ZC3H14: variants seen among roughly 807,000 people sequenced by gnomAD.
ZC3H14 encodes zinc finger CCCH-type containing 14, also known as zinc finger CCCH domain-containing protein 14.
In ZC3H14, 31 loss-of-function variants were observed where a neutral mutation model predicts 92.4. That is an observed-to-expected ratio of 0.34 (90% CI 0.25 to 0.45). ZC3H14 has a LOEUF of 0.45. Ranked by LOEUF, ZC3H14 falls within the 20% of genes least tolerant of loss-of-function variation. The probability of loss-of-function intolerance (pLI) is 1.00; values close to 1 mark genes in which losing one functional copy is unlikely to be tolerated. For missense variants in ZC3H14, 781 were observed against 897.3 expected (o/e 0.87, Z 1.66); for synonymous variants, 321 against 300.9 (o/e 1.07, Z -0.69).
Position 88,578,003 on chromosome 14 carries a change from T to A in ZC3H14, c.1142T>A (p.Leu381His). The change falls in exon 9 of 17, where the codon CTT (leucine) becomes CAT (histidine). Residue 381 changes from leucine to histidine, a missense_variant. This residue lies in a region of ZC3H14 where 454 missense variants were observed against 438.5 expected (regional missense o/e 1.04). Coordinates refer to ENST00000251038, the MANE Select transcript of ZC3H14 (RefSeq NM_024824.5). ...GTGAAAGTTCCACAGAAACAGACAC[T>A]TCCAGTTGCTCCCAGAACTCGAACT... ...NYSTVPQKQTLPVAPRTRTSQ... is the reference protein window; with the variant it reads ...NYSTVPQKQTHPVAPRTRTSQ... 1.2e-6 allele frequency: 2 copies of A among 1,614,170 alleles called. No homozygotes were observed. Among genetic ancestry groups the A allele is most frequent in the Non-Finnish European group, 1.7e-6 (2 of 1,180,032 alleles).
chr14:88,602,692 T>A (rs9323831), intron 11 of ZC3H14, 136 bp from the exon 12 acceptor site: 845,261 of 869,946 alleles, frequency 0.97, 411,880 homozygotes, highest in Non-Finnish European at 1. Context: ...CTGCACCTGG[T>A]AGCCCTACCT....
chr14:88,567,062 A>G (rs2079745128), intron 2 of ZC3H14, among the ~76,000 whole-genome samples: 1 of 151,352 alleles, frequency 6.6e-6, no homozygotes, highest in Admixed American at 6.6e-5. Flanking sequence ...CACTCTCATA[A>G]TCACTGTAGG....
intron 12 of ZC3H14, among the ~76,000 whole-genome samples, chr14:88,604,892 C>CA (rs1333838178): frequency 2.0e-5 from 3 of 152,080 alleles, no homozygotes; most frequent in Non-Finnish European, 1.5e-5. Context: ...CCGTGCCTGG[C>CA]CTATAGCTTT....
Position 88,621,810 on chromosome 14 carries a change from T to C in ZC3H14, c.*10059T>C. The C allele has an allele frequency of 2.3e-6, 1 of 436,620 alleles. No individual in the cohort carries two copies. The highest frequency in any genetic ancestry group is 4.6e-6 in the Non-Finnish European group (1 of 219,596). The allele number at this position is 436,620 out of a possible 1,614,324, so 27.0% of individuals were successfully genotyped here. A position where few individuals can be genotyped will look rare whatever the true frequency, so the allele number is the denominator to read the frequency against. ...TTTGAAATTGACACATAATTATACATATCTATAGGGCATAGGGTAATACGC... is the reference window on the plus strand; with the variant it reads ...TTTGAAATTGACACATAATTATACACATCTATAGGGCATAGGGTAATACGC... On this transcript the variant is annotated 3_prime_UTR_variant, in exon 17 of 17. Transcript: ENST00000251038.
In ZC3H14 at chr14:88,626,926, G is replaced by T; in HGVS notation, c.*15175G>T. 6.2e-7 allele frequency: 1 copy of T among 1,613,894 alleles called. No individual in the cohort carries two copies. Among genetic ancestry groups the T allele is most frequent in the Non-Finnish European group, 8.5e-7 (1 of 1,179,860 alleles). ...TTTTTTGCTAAGAAGAGCTCTTCCT[G>T]CCAGGGTCCAGAACTTCACATGTTT... is the stretch of plus-strand genomic sequence containing the variant. On this transcript the variant is annotated 3_prime_UTR_variant, in exon 17 of 17. Coordinates refer to ENST00000251038, the MANE Select transcript of ZC3H14 (RefSeq NM_024824.5).
intron 7 of ZC3H14, 47 bp downstream of exon 7, chr14:88,574,900 G>T (rs2080959426): frequency 1.9e-6 from 3 of 1,612,920 alleles, no homozygotes; most frequent in South Asian, 1.1e-5. Context: ...CCTTGGTGGA[G>T]TCTTCCTGAT....
At chr14:88,597,359 C>T (rs1178273708) in intron 10 of ZC3H14, among the ~76,000 whole-genome samples, 3 of 152,184 alleles carry the variant, frequency 2.0e-5, no homozygotes, top group Non-Finnish European at 4.4e-5. Context: ...CCTCAGTGCC[C>T]AGCCCCTGCC....
At chr14:88,611,724 T>G (rs373683348) in intron 16 of ZC3H14, 21 bp from the exon 17 acceptor site, 6 of 1,613,928 alleles carry the variant, frequency 3.7e-6, no homozygotes, top group Non-Finnish European at 5.1e-6. Flanking sequence ...ATTAAAACAA[T>G]TTTTGGTTCT....
chr14:88,564,986 A>G (rs1259025477), intron 2 of ZC3H14, among the ~76,000 whole-genome samples: 1 of 152,190 alleles, frequency 6.6e-6, no homozygotes, highest in Non-Finnish European at 1.5e-5. Flanking sequence ...AAAGTGAGCA[A>G]AGAAAAGAAT....
At chr14:88,610,229 T>C (rs1035456231) in intron 15 of ZC3H14, among the ~76,000 whole-genome samples, 2 of 152,158 alleles carry the variant, frequency 1.3e-5, no homozygotes, top group Non-Finnish European at 2.9e-5. Context: ...ATTATCTCCT[T>C]CTTGCCCCGG....
At chr14:88,592,111 A>G (rs1811698598) in intron 9 of ZC3H14, 1 of 152,238 alleles carries the variant, frequency 6.6e-6, no homozygotes, top group African/African-American at 2.4e-5. Context: ...ATAGTGGGCC[A>G]TATGGGTGCC....
In ZC3H14 at chr14:88,622,398, A is replaced by G. The variant is rs2140328275; in HGVS notation, c.*10647A>G. 1 of 423,330 alleles carries G rather than the reference A, an allele frequency of 2.4e-6. No homozygotes were observed. The highest frequency in any genetic ancestry group is 7.7e-5 in the South Asian group (1 of 13,034). 26.2% of individuals were successfully genotyped at this position (423,330 alleles called of 1,614,324 possible). On this transcript the variant is annotated 3_prime_UTR_variant, in exon 17 of 17. Coordinates refer to ENST00000251038, the MANE Select transcript of ZC3H14 (RefSeq NM_024824.5). ...AAAATATTGGAGGTTTACATACAGTATTTAGACAGAATAGCTTCCTAGCTT... is the reference window on the plus strand; with the variant it reads ...AAAATATTGGAGGTTTACATACAGTGTTTAGACAGAATAGCTTCCTAGCTT...
At chr14:88,610,975 C>T in intron 16 of ZC3H14, 35 bp downstream of exon 16, 1 of 1,562,544 alleles carries the variant, frequency 6.4e-7, no homozygotes, top group Non-Finnish European at 8.8e-7. Context: ...CATGTCAGTT[C>T]AAATTCTTTT....
intron 9 of ZC3H14, among the ~76,000 whole-genome samples, chr14:88,580,816 G>T (rs547570487): frequency 6.6e-6 from 1 of 152,168 alleles, no homozygotes; most frequent in East Asian, 1.9e-4. Context: ...AAAATGATTT[G>T]GACATTCAGG....
At position 88,615,047 on chromosome 14, in the gene ZC3H14, T is replaced by C. The variant is rs999427680; in HGVS notation, c.*3296T>C. ...CCTAAAACCCTTACATTGTACACCA[T>C]TGGGAATGATTGTTCATCATACTAC... On this transcript the variant is annotated 3_prime_UTR_variant, in exon 17 of 17. Transcript: ENST00000251038. 9.9e-5 allele frequency: 15 copies of C among 152,216 alleles called. No individual in the cohort carries two copies. Among genetic ancestry groups the C allele is most frequent in the Admixed American group, 3.3e-4 (5 of 15,286 alleles). 9.4% of individuals were successfully genotyped at this position (152,216 alleles called of 1,614,324 possible). A position where few individuals can be genotyped will look rare whatever the true frequency, so the allele number is the denominator to read the frequency against.
rs1595186509 is a variant in ZC3H14, at chr14:88,618,113, A to G, written c.*6362A>G. The stretch of plus-strand genomic sequence containing the variant: ...CATACCATTTCAAAATATGGTAACA[A>G]AAACTTGAAACTCAATTACTATTCC... On this transcript the variant is annotated 3_prime_UTR_variant, in exon 17 of 17. Transcript: ENST00000251038. 1 of 758,874 alleles carries G rather than the reference A, an allele frequency of 1.3e-6. No individual in the cohort carries two copies. The highest frequency in any genetic ancestry group is 2.7e-5 in the East Asian group (1 of 36,780). 47.0% of individuals were successfully genotyped at this position (758,874 alleles called of 1,614,324 possible). A position where few individuals can be genotyped will look rare whatever the true frequency, so the allele number is the denominator to read the frequency against.
intron 7 of ZC3H14, 141 bp downstream of exon 7, chr14:88,574,994 T>C: frequency 7.6e-7 from 1 of 1,310,858 alleles, no homozygotes; most frequent in Non-Finnish European, 1.1e-6. Context: ...TGGAGTGCAG[T>C]GCCACGATCT....
rs74075833 is a variant in ZC3H14 at position 88,603,209 on chromosome 14, A to G, written c.1747+149A>G. On this transcript the variant is annotated intron_variant, in intron 12 of 16. Transcript: ENST00000251038. ...TTTCTTCTTTCAGACAAACCCACCA[A>G]GTACATTTCAGACTCTTTTTCCTGT... 1,179 of 795,006 alleles carry G rather than the reference A, an allele frequency of 1.5e-3. 8 individuals carry two copies. In the African/African-American group the frequency reaches 0.018, roughly 12 times the overall value. 49.2% of individuals were successfully genotyped at this position (795,006 alleles called of 1,614,324 possible). A position where few individuals can be genotyped will look rare whatever the true frequency, so the allele number is the denominator to read the frequency against.
chr14:88,566,031 C>CCCCCCCCCCCCCCCCCCT (rs2079555337), intron 2 of ZC3H14, among the ~76,000 whole-genome samples: 1 of 22,788 alleles, frequency 4.4e-5, no homozygotes, highest in Non-Finnish European at 2.8e-4. Flanking sequence ...CCACCCCGCC[C>CCCCCCCCCCCCCCCCCCT]CCCCCCCCCG....
Sources: gnomAD v4.1 joint callset for allele counts (sites outside exome capture counted in the v4.1 genomes callset) on GRCh38, gnomAD v4.1.1 for gene constraint, gnomAD v4.1.1 regional missense constraint, MANE v1.5 for transcripts, NCBI Gene and HGNC (gene_info 2026-07-23, HGNC 2026-07-21) for gene names.